Variants in PTPRG observed in about 807,000 individuals in gnomAD.
PTPRG encodes the protein protein tyrosine phosphatase receptor type G.
A neutral mutation model predicts 165.3 loss-of-function variants in PTPRG; 102 were observed. The observed-to-expected ratio is 0.62, with a 90% CI of 0.53 to 0.73. The LOEUF (loss-of-function observed/expected upper bound fraction) is 0.73, where lower values mean the gene tolerates loss of function less well. PTPRG is among the 30% of genes least tolerant of loss of function. The pLI is 0.00. For missense variants in PTPRG, 1,866 were observed against 1,861.4 expected (o/e 1.00, Z -0.05); for synonymous variants, 675 against 669.5 (o/e 1.01, Z -0.13).
intron 2 of PTPRG, among the ~76,000 whole-genome samples, chr3:61,969,556 G>T (rs2040340305): frequency 6.6e-6 from 1 of 152,158 alleles, no homozygotes; most frequent in South Asian, 2.1e-4. Flanking sequence ...GGGCAAGAGG[G>T]ATAGTAGATG....
At chr3:61,907,792 G>A (rs964620110) in intron 2 of PTPRG, among the ~76,000 whole-genome samples, 4 of 152,074 alleles carry the variant, frequency 2.6e-5, no homozygotes, top group Admixed American at 1.3e-4. Context: ...TGTAACTGCT[G>A]AGCAGAGACC....
intron 1 of PTPRG, among the ~76,000 whole-genome samples, chr3:61,621,165 T>C (rs575329954): frequency 1.3e-5 from 2 of 151,856 alleles, no homozygotes; most frequent in African/African-American, 2.4e-5. Context: ...TCAAAACTAT[T>C]CTGGATATAG....
At position 62,273,343 on chromosome 3, in the gene PTPRG, T is replaced by C. The variant is rs1282610327; in HGVS notation, c.3318+262T>C. On this transcript the variant is annotated intron_variant, in intron 22 of 29. Transcript: ENST00000474889. The surrounding 1 kb of genome is among the most constrained non-coding windows in gnomAD (Gnocchi z 4.1). Reference sequence around the variant, plus strand: ...TTGTTTCAAGAGCTGTGTTAGATGGTAGGGGGAGTTAAACATGTTGTCTGG... The same window carrying C: ...TTGTTTCAAGAGCTGTGTTAGATGGCAGGGGGAGTTAAACATGTTGTCTGG... Among the ~76,000 whole-genome samples, 2 of 152,242 alleles carry C rather than the reference T, an allele frequency of 1.3e-5. No homozygotes were observed. The highest frequency in any genetic ancestry group is 2.1e-4 in the South Asian group (1 of 4,824).
chr3:61,823,275 C>G (rs1174198223), intron 2 of PTPRG, among the ~76,000 whole-genome samples: 1 of 152,220 alleles, frequency 6.6e-6, no homozygotes, highest in Non-Finnish European at 1.5e-5. Flanking sequence ...ACTACAACCT[C>G]TACCTCCCGG....
At chr3:61,602,142 C>T (rs914127719) in intron 1 of PTPRG, among the ~76,000 whole-genome samples, 2 of 150,966 alleles carry the variant, frequency 1.3e-5, no homozygotes, top group South Asian at 2.1e-4. Context: ...TCTGTTCAGG[C>T]CTTCCTAGCT....
At chr3:61,603,587 C>T (rs2106853165) in intron 1 of PTPRG, among the ~76,000 whole-genome samples, 1 of 152,312 alleles carries the variant, frequency 6.6e-6, no homozygotes, top group Non-Finnish European at 1.5e-5. Flanking sequence ...TTACAAAATG[C>T]TACAAACTGG....
intron 2 of PTPRG, among the ~76,000 whole-genome samples, chr3:61,863,503 T>A (rs1396155210): frequency 6.6e-6 from 1 of 152,244 alleles, no homozygotes; most frequent in African/African-American, 2.4e-5. Flanking sequence ...TAGCCTAGAC[T>A]TAATTCCTGG....
At chr3:61,564,024 G>A (rs1249298338) in intron 1 of PTPRG, among the ~76,000 whole-genome samples, 1 of 152,158 alleles carries the variant, frequency 6.6e-6, no homozygotes, top group African/African-American at 2.4e-5. Context: ...TTTGCCCACT[G>A]GAGTCCTGCC....
At chr3:61,871,705 G>A (rs138293579) in intron 2 of PTPRG, among the ~76,000 whole-genome samples, 1 of 152,256 alleles carries the variant, frequency 6.6e-6, no homozygotes, top group East Asian at 1.9e-4. Context: ...CTCATCTTGG[G>A]TTCCACTTCC....
At chr3:62,146,553 A>C (rs1351298837) in intron 6 of PTPRG, among the ~76,000 whole-genome samples, 1 of 152,020 alleles carries the variant, frequency 6.6e-6, no homozygotes, top group Non-Finnish European at 1.5e-5. Context: ...AGTGTTTCAC[A>C]GGCAAAAGTA....
At chr3:61,748,840 G>A in intron 1 of PTPRG, 38 bp from the exon 2 acceptor site, 1 of 1,543,938 alleles carries the variant, frequency 6.5e-7, no homozygotes, top group Non-Finnish European at 8.9e-7. Flanking sequence ...CCAGTGGGGT[G>A]CTGCCTTTGT....
rs1011908903 is a variant in PTPRG, at chr3:62,260,304, T to A, written c.2560-2494T>A. ...TTTTGGAACTGAGCAATCTGAAAGA[T>A]TTCTAGAAGTTTTGTTGCATTATTT... On this transcript the variant is annotated intron_variant, in intron 16 of 29. Coordinates refer to ENST00000474889, the MANE Select transcript of PTPRG (RefSeq NM_002841.4). 2.0e-5 allele frequency among the ~76,000 whole-genome samples: 3 copies of A among 152,222 alleles called. No homozygotes were observed. The South Asian group carries it at 6.2e-4, about 31-fold the overall frequency.
At chr3:62,070,682 G>A (rs1441930690) in intron 4 of PTPRG, among the ~76,000 whole-genome samples, 1 of 152,144 alleles carries the variant, frequency 6.6e-6, no homozygotes, top group African/African-American at 2.4e-5. Flanking sequence ...TAGATTAGGA[G>A]CTTATTTTAC....
chr3:61,972,320 T>C (rs560504626), intron 2 of PTPRG, among the ~76,000 whole-genome samples: 184 of 152,288 alleles, frequency 1.2e-3, no homozygotes, highest in African/African-American at 4.1e-3. Context: ...GAGGTAAATT[T>C]GGGCAGAGGC....
rs749998443 is a variant in PTPRG, at chr3:62,262,777, T to C, written c.2560-21T>C. The C allele has an allele frequency of 8.9e-6, 14 of 1,570,058 alleles. No individual in the cohort carries two copies. The Middle Eastern group carries it at 5.0e-4, about 56-fold the overall frequency. ...CTTTGTTTCTAAACTGTGTCTATAA[T>C]CTTGCTGTTTTCTTCACTAGGAAGT... On this transcript the variant is annotated intron_variant, in intron 16 of 29. Transcript: ENST00000474889.
At chr3:61,721,175 G>A (rs541122399) in intron 1 of PTPRG, among the ~76,000 whole-genome samples, 1 of 152,246 alleles carries the variant, frequency 6.6e-6, no homozygotes, top group African/African-American at 2.4e-5. Flanking sequence ...CTGGTCACTG[G>A]CCACTCTCTG....
At chr3:62,170,102 G>C (rs1440935596) in intron 8 of PTPRG, among the ~76,000 whole-genome samples, 2 of 152,116 alleles carry the variant, frequency 1.3e-5, no homozygotes, top group Non-Finnish European at 2.9e-5. Context: ...AAATGCTTGA[G>C]ATTCAAGTAA....
chr3:62,273,420 T>G lies in PTPRG; in HGVS notation c.3319-278T>G, dbSNP rs1702138405. ...TTCTAAAACCCTTCATTGAACACGA[T>G]TTTTTGTTTGCTTATTGAGTTGAAG... On this transcript the variant is annotated intron_variant, in intron 22 of 29. Transcript: ENST00000474889. This position sits in a 1 kb window ranked among gnomAD's most constrained non-coding sequence, Gnocchi z 4.1. Among the ~76,000 whole-genome samples, 1 of 152,168 alleles carries G rather than the reference T, an allele frequency of 6.6e-6. No individual in the cohort carries two copies. The highest frequency in any genetic ancestry group is 1.5e-5 in the Non-Finnish European group (1 of 68,036).
At chr3:62,024,967 C>T (rs186511133) in intron 4 of PTPRG, among the ~76,000 whole-genome samples, 12 of 152,226 alleles carry the variant, frequency 7.9e-5, no homozygotes, top group Non-Finnish European at 1.8e-4. Context: ...TCTGTTGTGT[C>T]GACCTAACCC....
Sources: allele counts gnomAD v4.1 joint callset (sites outside exome capture counted in the v4.1 genomes callset), GRCh38; gene constraint gnomAD v4.1.1; non-coding constraint Gnocchi (gnomAD v3.1); transcripts MANE v1.5; gene names NCBI Gene and HGNC (gene_info 2026-07-23, HGNC 2026-07-21).